Variants in ZDHHC7 observed in about 807,000 individuals in gnomAD.
ZDHHC7 encodes the protein zDHHC palmitoyltransferase 7.
Under a neutral mutation model 34.1 loss-of-function variants are expected in ZDHHC7, and 12 were observed. That is an observed-to-expected ratio of 0.35 (90% confidence interval 0.23 to 0.57). The LOEUF (loss-of-function observed/expected upper bound fraction) is 0.57. Ranked by LOEUF, ZDHHC7 falls within the 20% of genes least tolerant of loss-of-function variation. The probability of loss-of-function intolerance (pLI) is 0.84; values close to 1 mark genes in which losing one functional copy is unlikely to be tolerated. For missense variants in ZDHHC7, 388 were observed against 402.7 expected (o/e 0.96, Z 0.31); for synonymous variants, 185 against 155.4 (o/e 1.19, Z -1.42).
At chr16:84,985,161 C>T (rs575684650) in intron 3 of ZDHHC7, among the ~76,000 whole-genome samples, 8 of 152,264 alleles carry the variant, frequency 5.3e-5, no homozygotes, top group African/African-American at 1.7e-4. Flanking sequence ...AAACACCCAG[C>T]GGCCTCCCTT....
intron 7 of ZDHHC7, among the ~76,000 whole-genome samples, 180 bp from the exon 8 acceptor site, chr16:84,976,699 T>A (rs889057996): frequency 6.6e-6 from 1 of 152,224 alleles, no homozygotes; most frequent in Non-Finnish European, 1.5e-5. Context: ...CCAGCCCGGC[T>A]GCAGCCACGT....
intron 1 of ZDHHC7, among the ~76,000 whole-genome samples, chr16:84,998,481 T>TA (rs1334466708): frequency 1.3e-5 from 2 of 152,154 alleles, no homozygotes; most frequent in Non-Finnish European, 2.9e-5. Context: ...CCCCAGCTAC[T>TA]GTCTGTTGTC....
chr16:85,005,470 G>A (rs563030180), intron 1 of ZDHHC7, among the ~76,000 whole-genome samples: 3 of 152,156 alleles, frequency 2.0e-5, no homozygotes, highest in South Asian at 2.1e-4. Flanking sequence ...GGCGTATCAC[G>A]AGCTCATTTT....
intron 2 of ZDHHC7, among the ~76,000 whole-genome samples, chr16:84,994,961 G>A (rs942836908): frequency 1.3e-5 from 2 of 151,942 alleles, no homozygotes; most frequent in Non-Finnish European, 2.9e-5. Flanking sequence ...GGAAGGGAGG[G>A]GAAGAAATGA....
chr16:85,018,790 G>C, the ZDHHC7 span, among the ~76,000 whole-genome samples: 2 of 152,056 alleles, frequency 1.3e-5, no homozygotes, highest in Non-Finnish European at 2.9e-5. Flanking sequence ...CAGGGAGAGA[G>C]AGAAACTCGC....
chr16:84,982,344 C>CAAAA (rs34800588), intron 3 of ZDHHC7, among the ~76,000 whole-genome samples: 1 of 111,240 alleles, frequency 9.0e-6, no homozygotes. Flanking sequence ...GACTCCATCT[C>CAAAA]AAAAAAAAAA....
chr16:84,992,009 C>A (rs2072515919), intron 2 of ZDHHC7, among the ~76,000 whole-genome samples: 1 of 151,786 alleles, frequency 6.6e-6, no homozygotes, highest in African/African-American at 2.4e-5. Context: ...AACCCCGTCT[C>A]TACTAAAAAT....
intron 3 of ZDHHC7, among the ~76,000 whole-genome samples, chr16:84,983,271 T>C (rs778250017): frequency 1.3e-5 from 2 of 152,152 alleles, no homozygotes; most frequent in Non-Finnish European, 2.9e-5. Flanking sequence ...GCCTGGGAGA[T>C]GGCAGAGGTG....
At chr16:85,010,654 GTTC>G (rs1430279514) in intron 1 of ZDHHC7, among the ~76,000 whole-genome samples, 1 of 151,520 alleles carries the variant, frequency 6.6e-6, no homozygotes, top group Non-Finnish European at 1.5e-5. Flanking sequence ...CAATAAACTG[GTTC>G]TTCATAAGCT....
Position 84,974,996 on chromosome 16 carries a change from A to C in ZDHHC7, c.*1347T>G, listed in dbSNP as rs1186278579. ...TTCTCTTAGTGTGGAGGGCAAGCAT[A>C]AAGGAAGACCCTCAGACTTTGTCAC... On this transcript the variant is annotated 3_prime_UTR_variant, in exon 8 of 8. Coordinates refer to ENST00000313732, the MANE Select transcript of ZDHHC7 (RefSeq NM_017740.3). 1.3e-5 allele frequency: 2 copies of C among 152,692 alleles called. No individual in the cohort carries two copies. Among genetic ancestry groups the C allele is most frequent in the African/African-American group, 4.8e-5 (2 of 41,462 alleles). The allele number at this position is 152,692 out of a possible 1,614,324, so 9.5% of individuals were successfully genotyped here. A position where few individuals can be genotyped will look rare whatever the true frequency, so the allele number is the denominator to read the frequency against.
At chr16:85,018,215 CTT>C in the ZDHHC7 span, among the ~76,000 whole-genome samples, 12 of 152,030 alleles carry the variant, frequency 7.9e-5, no homozygotes, top group East Asian at 7.7e-4. Flanking sequence ...CTGGATTATT[CTT>C]GTCTCATAAT....
chr16:84,990,281 C>T (rs1368801474), intron 3 of ZDHHC7, 23 bp downstream of exon 3: 1 of 1,607,582 alleles, frequency 6.2e-7, no homozygotes, highest in African/African-American at 1.3e-5. Context: ...AGAGAGCCAC[C>T]CAGAGACGCA....
chr16:84,991,035 C>G (rs1236264544), intron 2 of ZDHHC7, among the ~76,000 whole-genome samples: 1 of 152,170 alleles, frequency 6.6e-6, no homozygotes, highest in East Asian at 1.9e-4. Context: ...AGCAGCTCAC[C>G]TAAATGCTCC....
chr16:85,001,811 A>G lies in ZDHHC7; in HGVS notation c.-103-5804T>C, dbSNP rs371733062. On this transcript the variant is annotated intron_variant, in intron 1 of 7. Transcript: ENST00000313732. The stretch of plus-strand genomic sequence containing the variant: ...GGCTGCTCTTGAATTCCTGGACTCA[A>G]GCGATCTTCCCATGTCGGCCAAAGT... Among the ~76,000 whole-genome samples the G allele has an allele frequency of 5.3e-5, 8 of 152,274 alleles. No homozygotes were observed. In the East Asian group the frequency reaches 1.4e-3, roughly 26 times the overall value.
intron 7 of ZDHHC7, 125 bp from the exon 8 acceptor site, chr16:84,976,644 C>G (rs908612800): frequency 7.5e-7 from 1 of 1,328,548 alleles, no homozygotes; most frequent in African/African-American, 1.5e-5. Context: ...AGTGAACTCT[C>G]CTTCCCAGCT....
At chr16:84,982,762 A>G (rs1001185359) in intron 3 of ZDHHC7, among the ~76,000 whole-genome samples, 8 of 152,278 alleles carry the variant, frequency 5.3e-5, no homozygotes, top group Admixed American at 1.3e-4. Context: ...CAGCGGCATC[A>G]GAAACTTGAA....
the ZDHHC7 span, among the ~76,000 whole-genome samples, chr16:85,023,958 C>T: frequency 6.6e-6 from 1 of 152,112 alleles, no homozygotes; most frequent in Admixed American, 6.6e-5. Flanking sequence ...CGCTCTGTCG[C>T]CCAGGTTGGA....
intron 1 of ZDHHC7, among the ~76,000 whole-genome samples, chr16:85,008,244 G>A (rs1356736322): frequency 1.3e-5 from 2 of 152,032 alleles, no homozygotes; most frequent in South Asian, 4.1e-4. Context: ...CAGTCTATCT[G>A]GGAACTAATA....
chr16:84,982,657 T>G (rs1179709644), intron 3 of ZDHHC7, among the ~76,000 whole-genome samples: 2 of 152,220 alleles, frequency 1.3e-5, no homozygotes, highest in Non-Finnish European at 2.9e-5. Context: ...GATACTTTTG[T>G]CTCTTGGCCA....
Sources: gnomAD v4.1 joint callset for allele counts (sites outside exome capture counted in the v4.1 genomes callset) on GRCh38, gnomAD v4.1.1 for gene constraint, MANE v1.5 for transcripts, NCBI Gene and HGNC (gene_info 2026-07-23, HGNC 2026-07-21) for gene names.